Variants in SPOCK1 observed in about 807,000 individuals in gnomAD.
SPOCK1 encodes testican-1.
In SPOCK1, 23 loss-of-function variants were observed where a neutral mutation model predicts 55.3. The ratio of observed to expected loss-of-function variants is 0.42; its 90% CI spans 0.30 to 0.59. The LOEUF is 0.59. Among genes scored for constraint, SPOCK1 ranks in the 20% least tolerant of loss-of-function variants. The pLI, the probability that SPOCK1 is intolerant of heterozygous loss-of-function variation, is 0.22. For missense variants in SPOCK1, 499 were observed against 552.5 expected, an observed-to-expected ratio of 0.90 and a Z score of 0.97; for synonymous variants, 226 against 221.0, an observed-to-expected ratio of 1.02 and a Z score of -0.20.
chr5:137,090,694 C>A (rs1179651934), intron 5 of SPOCK1, among the ~76,000 whole-genome samples: 1 of 152,156 alleles, frequency 6.6e-6, no homozygotes, highest in African/African-American at 2.4e-5. Context: ...TGAAATACCT[C>A]TCAAATATCC....
chr5:137,491,128 T>A (rs1356453274), intron 2 of SPOCK1, among the ~76,000 whole-genome samples: 3 of 152,192 alleles, frequency 2.0e-5, no homozygotes, highest in African/African-American at 7.2e-5. Context: ...AATGCAAGTA[T>A]CACCATTCCA....
intron 2 of SPOCK1, among the ~76,000 whole-genome samples, chr5:137,407,288 T>A (rs1444170376): frequency 6.6e-6 from 1 of 152,222 alleles, no homozygotes; most frequent in Non-Finnish European, 1.5e-5. Flanking sequence ...GTGACAACGC[T>A]GTGCTCTTTA....
chr5:137,440,017 G>A (rs144627585), intron 2 of SPOCK1, among the ~76,000 whole-genome samples: 64 of 152,082 alleles, frequency 4.2e-4, no homozygotes, highest in African/African-American at 1.5e-3. Flanking sequence ...CCTTTCACGG[G>A]AAAATGGAGA....
intron 3 of SPOCK1, among the ~76,000 whole-genome samples, chr5:137,203,079 G>A (rs944834157): frequency 1.3e-5 from 2 of 152,250 alleles, no homozygotes; most frequent in Middle Eastern, 3.4e-3. Context: ...AAGCCATTTT[G>A]TGCTTAATGA....
chr5:137,005,422 C>T (rs748828325), intron 6 of SPOCK1, among the ~76,000 whole-genome samples: 4 of 151,118 alleles, frequency 2.6e-5, no homozygotes, highest in Non-Finnish European at 5.9e-5. Context: ...AGGAAAAGAG[C>T]AAAACTTACC....
chr5:137,151,750 ACT>A (rs1383040806), intron 3 of SPOCK1, among the ~76,000 whole-genome samples: 3 of 152,136 alleles, frequency 2.0e-5, no homozygotes, highest in Non-Finnish European at 1.5e-5. Flanking sequence ...CAGAGAACTG[ACT>A]CTGCAAAGTT....
At chr5:136,989,407 T>C (rs1329452687) in intron 7 of SPOCK1, among the ~76,000 whole-genome samples, 1 of 152,240 alleles carries the variant, frequency 6.6e-6, no homozygotes, top group Non-Finnish European at 1.5e-5. Flanking sequence ...TCAACTTTTT[T>C]CAGAATCAAA....
intron 2 of SPOCK1, among the ~76,000 whole-genome samples, chr5:137,295,329 C>T (rs1757457962): frequency 1.3e-5 from 2 of 152,184 alleles, no homozygotes; most frequent in South Asian, 4.2e-4. Flanking sequence ...AATGTCACTG[C>T]CTCCATGAAA....
intron 2 of SPOCK1, among the ~76,000 whole-genome samples, chr5:137,322,978 G>A (rs1034965023): frequency 1.3e-5 from 2 of 152,154 alleles, no homozygotes; most frequent in Non-Finnish European, 2.9e-5. Flanking sequence ...GAGAGAGAGA[G>A]TAAAAGGAAG....
At chr5:136,982,993 T>TAATA (rs1225286683) in intron 9 of SPOCK1, among the ~76,000 whole-genome samples, 1 of 152,194 alleles carries the variant, frequency 6.6e-6, no homozygotes, top group African/African-American at 2.4e-5. Context: ...TCTTTATTTA[T>TAATA]AATAGTTTTT....
intron 2 of SPOCK1, among the ~76,000 whole-genome samples, chr5:137,344,547 T>C (rs1449466255): frequency 1.3e-5 from 2 of 152,178 alleles, no homozygotes; most frequent in Non-Finnish European, 2.9e-5. Flanking sequence ...ATTCTGATGT[T>C]CACAAATGGG....
intron 2 of SPOCK1, among the ~76,000 whole-genome samples, chr5:137,473,301 G>A (rs543490848): frequency 1.3e-5 from 2 of 152,310 alleles, no homozygotes; most frequent in East Asian, 3.9e-4. Context: ...GAAAGATCTT[G>A]ATAAATTGCT....
chr5:137,338,941 T>A (rs951028243), intron 2 of SPOCK1, among the ~76,000 whole-genome samples: 15 of 152,206 alleles, frequency 9.9e-5, no homozygotes. Context: ...GGACTGTCAA[T>A]GCCTGACATG....
intron 3 of SPOCK1, among the ~76,000 whole-genome samples, chr5:137,165,204 C>T (rs1180448421): frequency 6.6e-6 from 1 of 152,222 alleles, no homozygotes; most frequent in Non-Finnish European, 1.5e-5. Context: ...CCCCCACCTC[C>T]ACATGGCTCA....
intron 4 of SPOCK1, among the ~76,000 whole-genome samples, chr5:137,138,711 CCCA>C (rs80031983): frequency 1.7e-4 from 25 of 148,200 alleles, no homozygotes; most frequent in Non-Finnish European, 2.5e-4. Context: ...ACCCCCCCCC[CCCA>C]AAAAAAAGTG....
intron 2 of SPOCK1, among the ~76,000 whole-genome samples, chr5:137,267,350 T>G (rs1022863845): frequency 1.3e-5 from 2 of 152,188 alleles, no homozygotes; most frequent in Admixed American, 6.5e-5. Flanking sequence ...ACCTTCTAGG[T>G]GCAAGGTGTA....
intron 3 of SPOCK1, among the ~76,000 whole-genome samples, chr5:137,146,292 CAA>C (rs1486131297): frequency 7.0e-5 from 2 of 28,630 alleles, no homozygotes; most frequent in East Asian, 1.4e-3. Context: ...CCGGGAGGCA[CAA>C]GATACCTGTT....
At chr5:137,302,391 A>C (rs1340237591) in intron 2 of SPOCK1, among the ~76,000 whole-genome samples, 4 of 140,914 alleles carry the variant, frequency 2.8e-5, no homozygotes, top group Admixed American at 7.5e-5. Context: ...AACACAGTGA[A>C]ACCCCGTCTC....
At chr5:136,988,367 C>T in intron 8 of SPOCK1, 55 bp downstream of exon 8, 1 of 1,471,750 alleles carries the variant, frequency 6.8e-7, no homozygotes, top group Non-Finnish European at 9.5e-7. Context: ...CAGTCCTCCT[C>T]TGCTCCAGCA....
Sources: allele counts gnomAD v4.1 joint callset (sites outside exome capture counted in the v4.1 genomes callset), GRCh38; gene constraint gnomAD v4.1.1; transcripts MANE v1.5; gene names NCBI Gene and HGNC (gene_info 2026-07-23, HGNC 2026-07-21).